CFAP92: variants seen among roughly 807,000 people sequenced by gnomAD.
CFAP92 encodes uncharacterized protein CFAP92.
Under a neutral mutation model 106.3 loss-of-function variants are expected in CFAP92, and 86 were observed. The ratio of observed to expected loss-of-function variants is 0.81; its 90% CI spans 0.68 to 0.97. CFAP92 has a LOEUF of 0.97. Among genes scored for constraint, CFAP92 ranks in the 50% least tolerant of loss-of-function variants. CFAP92 has a pLI of 0.00. For synonymous variants in CFAP92, 477 were observed against 506.4 expected (o/e 0.94, Z 0.78); for missense variants, 1,204 against 1,283.8 (o/e 0.94, Z 0.95).
chr3:128,951,610 G>A (rs1940815157), intron 9 of CFAP92, among the ~76,000 whole-genome samples: 1 of 152,190 alleles, frequency 6.6e-6, no homozygotes, highest in Admixed American at 6.5e-5. Context: ...CTGAGTGCTG[G>A]AGAAGGCAGT....
At chr3:129,021,499 G>A in the CFAP92 span, among the ~76,000 whole-genome samples, 8 of 152,102 alleles carry the variant, frequency 5.3e-5, no homozygotes, top group South Asian at 2.1e-4. Flanking sequence ...GCTTGAACCC[G>A]GGAGGCGGAG....
intron 7 of CFAP92, among the ~76,000 whole-genome samples, chr3:128,973,649 T>A (rs1942960951): frequency 7.2e-6 from 1 of 139,440 alleles, no homozygotes; most frequent in South Asian, 2.3e-4. Flanking sequence ...AGAGCAGAAC[T>A]CTGTCTCAAG....
intron 7 of CFAP92, among the ~76,000 whole-genome samples, chr3:128,973,311 C>T (rs1219812215): frequency 6.6e-6 from 1 of 152,152 alleles, no homozygotes; most frequent in Non-Finnish European, 1.5e-5. Flanking sequence ...AAACCATGCC[C>T]GTGCAGACCG....
In CFAP92 at chr3:128,945,333, C is replaced by T; in HGVS notation, c.1996G>A (p.Asp666Asn). ...TGGAGCAGGGAGACCTTCTTAAAGT[C>T]AAAGACGAAGATGATGCGGCCAAAC... ...SQFGRIIFVF[D>N]FKKVSLLHSL... Residue 666 changes from aspartate to asparagine, a missense_variant, in exon 10 of 16, where the codon GAC becomes AAC. By Grantham distance (23) the Asp-to-Asn change is conservative. Coordinates refer to ENST00000645291, the MANE Select transcript of CFAP92 (RefSeq NM_001394090.1). 6.5e-7 allele frequency: 1 copy of T among 1,536,104 alleles called. No individual in the cohort carries two copies. Among genetic ancestry groups the T allele is most frequent in the Non-Finnish European group, 8.7e-7 (1 of 1,146,886 alleles).
chr3:128,937,362 C>T (rs1408293318), intron 10 of CFAP92, among the ~76,000 whole-genome samples: 3 of 150,782 alleles, frequency 2.0e-5, no homozygotes, highest in Non-Finnish European at 3.0e-5. Context: ...CCTGTAATCC[C>T]AGTACTATGG....
intron 10 of CFAP92, among the ~76,000 whole-genome samples, chr3:128,940,453 A>G (rs780665075): frequency 9.2e-5 from 14 of 152,200 alleles, no homozygotes; most frequent in Admixed American, 2.0e-4. Context: ...AGCAGAGGAC[A>G]CTTCTGATTT....
chr3:128,931,489 GTATGTA>G (rs1206208210), intron 12 of CFAP92, among the ~76,000 whole-genome samples: 1 of 141,134 alleles, frequency 7.1e-6, no homozygotes, highest in Non-Finnish European at 1.5e-5. Context: ...ATATATGTAT[GTATGTA>G]TATGTATATA....
chr3:128,935,648 G>T (rs1387246427), intron 10 of CFAP92, among the ~76,000 whole-genome samples: 1 of 152,158 alleles, frequency 6.6e-6, no homozygotes, highest in Admixed American at 6.5e-5. Flanking sequence ...GGAGGCGGAG[G>T]TTGTGGTGAG....
chr3:128,921,590 G>T (rs1438302873), intron 12 of CFAP92, among the ~76,000 whole-genome samples: 1 of 152,164 alleles, frequency 6.6e-6, no homozygotes, highest in Admixed American at 6.5e-5. Context: ...TCAATTGTGG[G>T]CAATTTGGAC....
At chr3:128,940,905 A>G (rs73210622) in intron 10 of CFAP92, among the ~76,000 whole-genome samples, 6,312 of 152,276 alleles carry the variant, frequency 0.041, 171 homozygotes, top group Non-Finnish European at 0.058. Flanking sequence ...AACCTTTATT[A>G]ACATGCGGAA....
chr3:129,003,345 A>G (rs922157618), upstream of CFAP92: 8 of 939,498 alleles, frequency 8.5e-6, no homozygotes, highest in African/African-American at 5.3e-5. Flanking sequence ...GGAACACACC[A>G]GTAAAGACAG....
At chr3:128,978,402 T>TAA (rs889000988) in intron 4 of CFAP92, 2 of 397,170 alleles carry the variant, frequency 5.0e-6, no homozygotes, top group East Asian at 4.2e-5. Context: ...GCATTATATC[T>TAA]AAAAAAAAAT....
At chr3:128,968,666 T>A (rs1289962305) in intron 8 of CFAP92, 2 of 152,252 alleles carry the variant, frequency 1.3e-5, no homozygotes, top group Admixed American at 6.5e-5. Context: ...ATCACCCCCA[T>A]TTCACAGAGG....
the CFAP92 span, among the ~76,000 whole-genome samples, chr3:129,019,764 CTTTTTT>C: frequency 8.4e-5 from 9 of 107,432 alleles, no homozygotes; most frequent in South Asian, 3.2e-4. Flanking sequence ...ATTAAATTTA[CTTTTTT>C]TTTTTTTTTT....
chr3:128,935,887 T>TA (rs1458167854), intron 10 of CFAP92, among the ~76,000 whole-genome samples: 2 of 152,140 alleles, frequency 1.3e-5, no homozygotes, highest in African/African-American at 4.8e-5. Flanking sequence ...TTTAGAAGTA[T>TA]AAAAAATTAA....
chr3:129,004,190 T>C (rs1944954063), upstream of CFAP92: 9 of 1,244,334 alleles, frequency 7.2e-6, no homozygotes, highest in South Asian at 3.7e-5. Context: ...AGTTTCTCCA[T>C]GCGTTTATTC....
At position 128,932,853 on chromosome 3, in the gene CFAP92, A is replaced by C; in HGVS notation, c.2598T>G (p.Phe866Leu). Residue 866 changes from phenylalanine (F) to leucine (L), a missense_variant, in exon 12 of 16, where the codon TTT (phenylalanine) becomes TTG (leucine). By Grantham distance (22) the Phe-to-Leu change is conservative (BLOSUM62 0). Transcript: ENST00000645291. ...TGGGGGCAGGCTGAGGTGGTAGGGC[A>C]AACAGTTTCTCATCTGTGAGTTCTT... ...SQEELTDEKL[F>L]ALPPQPAPNL... 6.5e-7 allele frequency: 1 copy of C among 1,536,226 alleles called. No individual in the cohort carries two copies. Among genetic ancestry groups the C allele is most frequent in the Non-Finnish European group, 8.7e-7 (1 of 1,146,916 alleles).
At chr3:129,019,764 C>CTTTTTTTTTTTTTTTTTTTT in the CFAP92 span, among the ~76,000 whole-genome samples, 1 of 107,424 alleles carries the variant, frequency 9.3e-6, no homozygotes, top group Non-Finnish European at 1.9e-5. Flanking sequence ...ATTAAATTTA[C>CTTTTTTTTTTTTTTTTTTTT]TTTTTTTTTT....
chr3:129,016,125 G>A, the CFAP92 span, among the ~76,000 whole-genome samples: 29 of 152,260 alleles, frequency 1.9e-4, no homozygotes, highest in Admixed American at 6.5e-4. Context: ...CTTTTGATGC[G>A]TCCCCCTGGC....
Sources: allele counts gnomAD v4.1 joint callset (sites outside exome capture counted in the v4.1 genomes callset), GRCh38; gene constraint gnomAD v4.1.1; transcripts MANE v1.5; gene names NCBI Gene and HGNC (gene_info 2026-07-23, HGNC 2026-07-21).